Variants in NUGGC observed in about 807,000 individuals in gnomAD.
The protein encoded by NUGGC is nuclear GTPase SLIP-GC.
Under a neutral mutation model 92.6 loss-of-function variants are expected in NUGGC, and 58 were observed. The ratio of observed to expected loss-of-function variants is 0.63; its 90% CI spans 0.51 to 0.78. The LOEUF (loss-of-function observed/expected upper bound fraction) is 0.78, where lower values mean the gene tolerates loss of function less well. NUGGC is among the 30% of genes least tolerant of loss of function. The pLI, the probability that NUGGC is intolerant of heterozygous loss-of-function variation, is 0.00. For synonymous variants in NUGGC, 376 were observed against 366.4 expected (o/e 1.03, Z -0.30); for missense variants, 925 against 964.6 (o/e 0.96, Z 0.54).
chr8:28,055,555 A>T (rs931387673), intron 10 of NUGGC, among the ~76,000 whole-genome samples: 1 of 152,202 alleles, frequency 6.6e-6, no homozygotes, highest in Non-Finnish European at 1.5e-5. Flanking sequence ...AGTTAAATCC[A>T]AACTGTCTCC....
Position 28,047,622 on chromosome 8 carries a change from G to A in NUGGC, c.1207-10C>T, listed in dbSNP as rs1306684569. 4 of 1,508,234 alleles carry A rather than the reference G, an allele frequency of 2.7e-6. No individual in the cohort carries two copies. Among genetic ancestry groups the A allele is most frequent in the Non-Finnish European group, 3.6e-6 (4 of 1,107,092 alleles). The allele number at this position is 1,508,234 out of a possible 1,614,324, so 93.4% of individuals were successfully genotyped here. On this transcript the variant is annotated splice_polypyrimidine_tract_variant and intron_variant, in intron 10 of 18. Coordinates refer to ENST00000413272, the MANE Select transcript of NUGGC (RefSeq NM_001010906.2). ...CAGCTGGCAGTTTTCTCTGAAGTGA[G>A]AGAGTCACACAGAAAACAGAATAAC...
intron 8 of NUGGC, among the ~76,000 whole-genome samples, chr8:28,058,579 T>A (rs1215576763): frequency 6.6e-6 from 1 of 152,226 alleles, no homozygotes; most frequent in African/African-American, 2.4e-5. Context: ...GCTTGTCCCT[T>A]CATGTATAAC....
chr8:28,041,771 A>G (rs1007223089), intron 12 of NUGGC, among the ~76,000 whole-genome samples: 2 of 152,244 alleles, frequency 1.3e-5, no homozygotes, highest in Admixed American at 6.5e-5. Flanking sequence ...GCAAAGCTAC[A>G]GGACCACAAA....
At position 28,056,019 on chromosome 8, in the gene NUGGC, T is replaced by C. The variant is rs770431905; in HGVS notation, c.1152A>G (p.Glu384=). ...AIQSQREAVL[E]RNEMIKLQRT... is the part of the protein sequence containing the mutation. ...TTTGTAGTTTTATCATTTCATTTCT[T>C]TCTAAAACAGCCTCTCGCTGACTCT... Residue 384 remains glutamate, a synonymous_variant, in exon 10 of 19, where the codon GAA becomes GAG. Transcript: ENST00000413272. The C allele has an allele frequency of 1.3e-5, 21 of 1,567,456 alleles. No individual in the cohort carries two copies. Among genetic ancestry groups the C allele is most frequent in the East Asian group, 2.3e-5 (1 of 43,542 alleles).
chr8:28,058,727 G>A (rs1810214941), intron 8 of NUGGC, among the ~76,000 whole-genome samples: 1 of 151,092 alleles, frequency 6.6e-6, no homozygotes, highest in South Asian at 2.1e-4. Flanking sequence ...TTTTGAGACG[G>A]AGTCTCACTC....
At chr8:28,026,651 C>G (rs1207572142) in intron 18 of NUGGC, among the ~76,000 whole-genome samples, 1 of 152,166 alleles carries the variant, frequency 6.6e-6, no homozygotes, top group Non-Finnish European at 1.5e-5. Flanking sequence ...AATGGAGCAA[C>G]AACATCTATC....
chr8:28,069,815 T>C (rs1193898171), intron 3 of NUGGC, 163 bp from the exon 4 acceptor site: 1 of 604,160 alleles, frequency 1.7e-6, no homozygotes, highest in Non-Finnish European at 2.9e-6. Flanking sequence ...GGATGGCGGC[T>C]CACTGGAGAT....
intron 1 of NUGGC, among the ~76,000 whole-genome samples, chr8:28,075,307 A>G (rs1174831244): frequency 6.6e-6 from 1 of 151,988 alleles, no homozygotes; most frequent in African/African-American, 2.4e-5. Flanking sequence ...TGCAGCATGG[A>G]GCATCTGCAG....
chr8:28,022,205 CTGGAGTGCAG>C lies in NUGGC; in HGVS notation c.*1102_*1111del, dbSNP rs113806414. 69,274 of 139,898 alleles carry C rather than the reference CTGGAGTGCAG, an allele frequency of 0.5. 17,841 individuals carry two copies. Among genetic ancestry groups the C allele is most frequent in the Middle Eastern group, 0.61 (161 of 266 alleles). The allele number at this position is 139,898 out of a possible 1,614,324, so 8.7% of individuals were successfully genotyped here. On this transcript the variant is annotated 3_prime_UTR_variant, in exon 19 of 19. Transcript: ENST00000413272. ...ACATAGTCTCACTCCGTCGTCCAGG[CTGGAGTGCAG>C]TGGCGCGACCTTGGCTCACTGCAAC... is the stretch of plus-strand genomic sequence containing the variant.
chr8:28,078,429 T>C (rs993863209), intron 1 of NUGGC, among the ~76,000 whole-genome samples: 14 of 152,120 alleles, frequency 9.2e-5, no homozygotes, highest in Admixed American at 7.2e-4. Flanking sequence ...ATATAGTCAT[T>C]GGGTTGAACT....
At chr8:28,073,275 AG>A (rs1299264763) in intron 2 of NUGGC, among the ~76,000 whole-genome samples, 1 of 151,568 alleles carries the variant, frequency 6.6e-6, no homozygotes, top group African/African-American at 2.4e-5. Flanking sequence ...GGCCTCCCAA[AG>A]TCCTGGGATT....
At chr8:28,064,809 C>G in intron 6 of NUGGC, 78 bp from the exon 7 acceptor site, 1 of 1,233,514 alleles carries the variant, frequency 8.1e-7, no homozygotes, top group Non-Finnish European at 1.2e-6. Context: ...GATGCAGGTT[C>G]ATGGTAAGTA....
At chr8:28,068,552 A>G (rs1810507046) in intron 4 of NUGGC, 114 bp from the exon 5 acceptor site, 2 of 697,810 alleles carry the variant, frequency 2.9e-6, no homozygotes, top group Non-Finnish European at 5.0e-6. Context: ...CTACAACCTG[A>G]GTCTCTGTTC....
Position 28,045,788 on chromosome 8 carries a change from T to G in NUGGC, c.1313-128A>C, listed in dbSNP as rs1458057128. ...GAGTTGAGATCCCAAGTGGGCTGGA[T>G]GCCTACAGAACCAACCTTTCTGAAA... On this transcript the variant is annotated intron_variant, in intron 11 of 18. Transcript: ENST00000413272. The G allele has an allele frequency of 6.1e-6, 6 of 975,612 alleles. No homozygotes were observed. The Admixed American group carries it at 6.9e-5, about 11-fold the overall frequency. The allele number at this position is 975,612 out of a possible 1,614,324, so 60.4% of individuals were successfully genotyped here. A position where few individuals can be genotyped will look rare whatever the true frequency, so the allele number is the denominator to read the frequency against.
At chr8:28,024,336 T>G (rs926212939) in intron 18 of NUGGC, among the ~76,000 whole-genome samples, 2 of 151,844 alleles carry the variant, frequency 1.3e-5, no homozygotes, top group African/African-American at 4.8e-5. Context: ...TGAGCCACCG[T>G]GCCCGGCCAA....
In NUGGC at chr8:28,023,278, T is replaced by C. The variant is rs1318700906; in HGVS notation, c.*39A>G. ...AAAAGTAATTCTAATTCTCTGGCTCTGGGCTGATTTTTCATCCATTGGGAC... is the reference window on the plus strand; with the variant it reads ...AAAAGTAATTCTAATTCTCTGGCTCCGGGCTGATTTTTCATCCATTGGGAC... On this transcript the variant is annotated 3_prime_UTR_variant, in exon 19 of 19. Coordinates refer to ENST00000413272, the MANE Select transcript of NUGGC (RefSeq NM_001010906.2). The C allele has an allele frequency of 6.3e-7, 1 of 1,595,062 alleles. No homozygotes were observed. Among genetic ancestry groups the C allele is most frequent in the East Asian group, 2.2e-5 (1 of 44,534 alleles).
At chr8:28,054,518 A>G (rs1810084432) in intron 10 of NUGGC, among the ~76,000 whole-genome samples, 1 of 152,036 alleles carries the variant, frequency 6.6e-6, no homozygotes, top group South Asian at 2.1e-4. Context: ...TATAATAATA[A>G]TAAGTTGTAT....
chr8:28,035,103 G>A (rs577638469), intron 13 of NUGGC, among the ~76,000 whole-genome samples: 7 of 152,260 alleles, frequency 4.6e-5, no homozygotes, highest in East Asian at 3.9e-4. Flanking sequence ...GGAGACGCTC[G>A]AAAATGTCTG....
chr8:28,041,196 C>G lies in NUGGC; in HGVS notation c.1466G>C (p.Ser489Thr). Residue 489 changes from serine to threonine, a missense_variant, in exon 13 of 19, where the codon AGT (serine) becomes ACT (threonine). Ser to Thr is a moderately conservative substitution (Grantham distance 58). Transcript: ENST00000413272. The part of the protein sequence containing the change: ...QNLPNEHLHM[S>T]VLRRFAEEKV... ...CTCTTCCGCAAATCTCCGCAGGACA[C>G]TCATGTGCAAGTGTTCATTCTAGGG... The G allele has an allele frequency of 6.2e-7, 1 of 1,611,054 alleles. No homozygotes were observed. The highest frequency in any genetic ancestry group is 8.5e-7 in the Non-Finnish European group (1 of 1,178,842).
Sources: allele counts gnomAD v4.1 joint callset (sites outside exome capture counted in the v4.1 genomes callset), GRCh38; gene constraint gnomAD v4.1.1; transcripts MANE v1.5; gene names NCBI Gene and HGNC (gene_info 2026-07-23, HGNC 2026-07-21).